The following AZIN2 variants were observed in gnomAD, a reference collection of about 807,000 sequenced individuals.
AZIN2 encodes the protein antizyme inhibitor 2.
AZIN2 carries 28 observed loss-of-function variants against 47.8 expected under a neutral mutation model. That is an observed-to-expected ratio of 0.59 (90% CI 0.43 to 0.80). The LOEUF (loss-of-function observed/expected upper bound fraction) is 0.80, where lower values mean the gene tolerates loss of function less well. AZIN2 is among the 30% of genes least tolerant of loss of function. The probability of loss-of-function intolerance (pLI) is 0.00; values close to 1 mark genes in which losing one functional copy is unlikely to be tolerated. For synonymous variants in AZIN2, 221 were observed against 239.4 expected (o/e 0.92, Z 0.71); for missense variants, 535 against 582.5 (o/e 0.92, Z 0.84).
At position 33,084,106 on chromosome 1, in the gene AZIN2, G is replaced by A. The variant is rs779110505; in HGVS notation, c.258G>A (p.Leu86=). The A allele has an allele frequency of 9.9e-5, 159 of 1,611,852 alleles. No individual in the cohort carries two copies. Among genetic ancestry groups the A allele is most frequent in the Non-Finnish European group, 1.3e-4 (151 of 1,180,044 alleles). The change falls in exon 5 of 12, where the codon CTG becomes CTA. Residue 86 remains leucine (L), a synonymous_variant. Coordinates refer to ENST00000294517, the MANE Select transcript of AZIN2 (RefSeq NM_052998.4). ...TGAAGGTTCTGGCCCAGCTGGGGCT[G>A]GGCTTTAGCTGTGCCAACAAGGTGA... ...GVLKVLAQLG[L]GFSCANKAEM... is the part of the protein sequence containing the mutation.
At chr1:33,159,505 C>A in the AZIN2 span, among the ~76,000 whole-genome samples, 1 of 152,290 alleles carries the variant, frequency 6.6e-6, no homozygotes, top group South Asian at 2.1e-4. The surrounding 1 kb of genome is among the most constrained non-coding windows in gnomAD (Gnocchi z 4.2). Context: ...CTAGTTCAAG[C>A]CTCACTGGCT....
chr1:33,153,581 T>G, the AZIN2 span, among the ~76,000 whole-genome samples: 2 of 152,154 alleles, frequency 1.3e-5, no homozygotes, highest in Non-Finnish European at 2.9e-5. Context: ...CAGCCTCCAG[T>G]GTCAATGGGG....
chr1:33,102,133 G>A (rs1166277036), intron 10 of AZIN2, among the ~76,000 whole-genome samples: 1 of 150,446 alleles, frequency 6.6e-6, no homozygotes, highest in Non-Finnish European at 1.5e-5. Flanking sequence ...GTGTGTAAGA[G>A]ACTCGGTGGC....
the AZIN2 span, chr1:33,158,146 ACTCTG>A: frequency 1.7e-5 from 17 of 977,302 alleles, no homozygotes; most frequent in Admixed American, 3.1e-4. Context: ...TCAGCAAGGC[ACTCTG>A]CTCATTCACC....
At chr1:33,130,288 G>T in the AZIN2 span, among the ~76,000 whole-genome samples, 3 of 152,200 alleles carry the variant, frequency 2.0e-5, no homozygotes, top group African/African-American at 7.2e-5. Flanking sequence ...GTTGAGTATG[G>T]ATGGAATTTA....
At chr1:33,140,070 A>T in the AZIN2 span, among the ~76,000 whole-genome samples, 1 of 152,056 alleles carries the variant, frequency 6.6e-6, no homozygotes, top group Non-Finnish European at 1.5e-5. This position sits in a 1 kb window ranked among gnomAD's most constrained non-coding sequence, Gnocchi z 4.0. Flanking sequence ...GTGGGGAAGG[A>T]CTTTCCAGGA....
intron 6 of AZIN2, among the ~76,000 whole-genome samples, chr1:33,092,847 C>G (rs7354928): frequency 6.6e-6 from 1 of 152,088 alleles, no homozygotes; most frequent in African/African-American, 2.4e-5. Context: ...TACTGGACAC[C>G]CTTGGACTTC....
At chr1:33,114,799 C>T (rs903408749) in intron 10 of AZIN2, among the ~76,000 whole-genome samples, 2 of 151,518 alleles carry the variant, frequency 1.3e-5, no homozygotes, top group East Asian at 1.9e-4. Context: ...TGGGATTACA[C>T]GCCCAGCTAA....
At chr1:33,138,532 G>C in the AZIN2 span, among the ~76,000 whole-genome samples, 1 of 150,520 alleles carries the variant, frequency 6.6e-6, no homozygotes, top group African/African-American at 2.5e-5. Flanking sequence ...CCCAATAATA[G>C]TCCTAGCTAG....
chr1:33,094,852 T>A, intron 8 of AZIN2, 139 bp downstream of exon 8: 1 of 921,164 alleles, frequency 1.1e-6, no homozygotes, highest in Non-Finnish European at 1.6e-6. Context: ...GTGATCTCAC[T>A]GCTTATTAAC....
the AZIN2 span, chr1:33,158,516 G>T: frequency 1.6e-6 from 1 of 633,034 alleles, no homozygotes; most frequent in Non-Finnish European, 2.9e-6. Flanking sequence ...GCCTGCTTGT[G>T]CTGCTTCTGG....
chr1:33,141,250 C>A, the AZIN2 span, among the ~76,000 whole-genome samples: 1 of 151,998 alleles, frequency 6.6e-6, no homozygotes, highest in Non-Finnish European at 1.5e-5. Flanking sequence ...GATGTGGGAC[C>A]CTTCTCCTCT....
Position 33,122,216 on chromosome 1 carries a change from G to C in AZIN2, c.*2034G>C, listed in dbSNP as rs759396306. 6.6e-6 allele frequency among the ~76,000 whole-genome samples: 1 copy of C among 152,140 alleles called. No individual in the cohort carries two copies. Among genetic ancestry groups the C allele is most frequent in the Non-Finnish European group, 1.5e-5 (1 of 68,014 alleles). ...TGCTGTGAAAAGCGCAGGAATCCTG[G>C]GAAGATCTCATGGCTGGCTACAGTG... On this transcript the variant is annotated 3_prime_UTR_variant, in exon 12 of 12. Coordinates refer to ENST00000294517, the MANE Select transcript of AZIN2 (RefSeq NM_052998.4).
chr1:33,096,117 C>A (rs1377618927), intron 8 of AZIN2, among the ~76,000 whole-genome samples: 2 of 152,156 alleles, frequency 1.3e-5, no homozygotes, highest in African/African-American at 4.8e-5. Context: ...GGATTACAGG[C>A]ATGAGCCACC....
rs181596525 is a variant in AZIN2 at position 33,114,885 on chromosome 1, C to T, written c.1030-3017C>T. 3.6e-4 allele frequency among the ~76,000 whole-genome samples: 55 copies of T among 152,180 alleles called. 1 individual carries two copies. Among genetic ancestry groups the T allele is most frequent in the Admixed American group, 1.6e-3 (25 of 15,290 alleles). ...CTCAAACTCCTGACCTCAAGTGATG[C>T]GCCCGTGTCCGCCTCCTAAAGTGCT... On this transcript the variant is annotated intron_variant, in intron 10 of 11. Coordinates refer to ENST00000294517, the MANE Select transcript of AZIN2 (RefSeq NM_052998.4).
chr1:33,140,194 T>C, the AZIN2 span, among the ~76,000 whole-genome samples: 1 of 152,126 alleles, frequency 6.6e-6, no homozygotes, highest in Non-Finnish European at 1.5e-5. This position sits in a 1 kb window ranked among gnomAD's most constrained non-coding sequence, Gnocchi z 4.0. Flanking sequence ...GTTCAGCCGA[T>C]GAGGAACAGG....
chr1:33,103,867 T>C (rs1230591761), intron 10 of AZIN2, among the ~76,000 whole-genome samples: 1 of 152,034 alleles, frequency 6.6e-6, no homozygotes, highest in African/African-American at 2.4e-5. Flanking sequence ...GTTCAGTATA[T>C]GTTGGAATTA....
intron 8 of AZIN2, among the ~76,000 whole-genome samples, 179 bp from the exon 9 acceptor site, chr1:33,096,528 C>T (rs1643170628): frequency 1.3e-5 from 2 of 152,156 alleles, no homozygotes; most frequent in Non-Finnish European, 2.9e-5. Context: ...CCAGCTCTGT[C>T]CCCCTCCTAC....
In AZIN2 at chr1:33,093,303, C is replaced by T. The variant is rs780160914; in HGVS notation, c.474C>T (p.Thr158=). Residue 158 remains threonine (T), a synonymous_variant, in exon 7 of 12, where the codon ACC becomes ACT. Transcript: ENST00000294517. The part of the protein sequence containing the change: ...PSAKMVLCIA[T]DDSHSLSCLS... Reference sequence around the variant, plus strand: ...TCAGGATGGTTCTGTGCATTGCTACCGATGACTCCCACTCCCTGAGCTGCC... The same window carrying T: ...TCAGGATGGTTCTGTGCATTGCTACTGATGACTCCCACTCCCTGAGCTGCC... The T allele has an allele frequency of 5.4e-5, 87 of 1,613,848 alleles. No individual in the cohort carries two copies. The highest frequency in any genetic ancestry group is 3.3e-4 in the Middle Eastern group (2 of 6,082).
Sources: gnomAD v4.1 joint callset for allele counts (sites outside exome capture counted in the v4.1 genomes callset) on GRCh38, gnomAD v4.1.1 for gene constraint, Gnocchi (gnomAD v3.1) non-coding constraint, MANE v1.5 for transcripts, NCBI Gene and HGNC (gene_info 2026-07-23, HGNC 2026-07-21) for gene names.